Variants in DEPDC5 observed in about 807,000 individuals in gnomAD.
The protein encoded by DEPDC5 is GATOR1 complex protein DEPDC5.
DEPDC5 carries 73 observed loss-of-function variants against 217.3 expected under a neutral mutation model. The observed-to-expected ratio is 0.34, with a 90% CI of 0.28 to 0.41. The LOEUF is 0.41. Among genes scored for constraint, DEPDC5 ranks in the 10% least tolerant of loss-of-function variants. The probability of loss-of-function intolerance (pLI) is 1.00; values close to 1 mark genes in which losing one functional copy is unlikely to be tolerated. For missense variants in DEPDC5, 1,675 were observed against 2,070.1 expected, an observed-to-expected ratio of 0.81 and a Z score of 3.70; for synonymous variants, 733 against 756.7, an observed-to-expected ratio of 0.97 and a Z score of 0.51.
At chr22:31,836,941 A>G (rs755241001) in intron 25 of DEPDC5, 31 bp from the exon 26 acceptor site, 11 of 1,483,498 alleles carry the variant, frequency 7.4e-6, no homozygotes, top group Middle Eastern at 3.7e-4. Context: ...TGGTGACCAC[A>G]TGTACCTTTT....
intron 33 of DEPDC5, among the ~76,000 whole-genome samples, chr22:31,867,747 T>C (rs2092726466): frequency 6.6e-6 from 1 of 152,162 alleles, no homozygotes; most frequent in Non-Finnish European, 1.5e-5. Context: ...CAAAAAATGT[T>C]TCCCAATTCC....
At chr22:31,904,838 G>A (rs1353789614) in intron 41 of DEPDC5, among the ~76,000 whole-genome samples, 1 of 152,184 alleles carries the variant, frequency 6.6e-6, no homozygotes, top group African/African-American at 2.4e-5. Flanking sequence ...CATTTAGTTT[G>A]CATATTTGAC....
chr22:31,874,503 C>T (rs182763646), intron 36 of DEPDC5, 98 bp downstream of exon 36: 4 of 1,427,362 alleles, frequency 2.8e-6, no homozygotes, highest in Admixed American at 5.8e-5. Context: ...ATGAGATCTG[C>T]AGGTTGGGGT....
At chr22:31,899,781 CTT>C (rs1014212171) in intron 40 of DEPDC5, among the ~76,000 whole-genome samples, 12 of 152,192 alleles carry the variant, frequency 7.9e-5, no homozygotes, top group African/African-American at 2.7e-4. Flanking sequence ...CGCAGGCACT[CTT>C]GTCTTTGGGA....
chr22:31,774,873 C>T (rs990156765), intron 7 of DEPDC5, among the ~76,000 whole-genome samples: 11 of 152,192 alleles, frequency 7.2e-5, no homozygotes, highest in Middle Eastern at 6.8e-3. Flanking sequence ...CCACCCACCT[C>T]GGCCTCCCAA....
chr22:31,867,091 T>A (rs1045811952), intron 33 of DEPDC5, among the ~76,000 whole-genome samples: 10 of 152,208 alleles, frequency 6.6e-5, no homozygotes, highest in African/African-American at 2.2e-4. Flanking sequence ...TTCATAAGAT[T>A]CTTAAGATGA....
chr22:31,879,835 C>T, intron 38 of DEPDC5, 83 bp downstream of exon 38: 1 of 1,323,104 alleles, frequency 7.6e-7, no homozygotes, highest in Non-Finnish European at 1.0e-6. Flanking sequence ...GGAACGATGC[C>T]ACATGAACCA....
At chr22:31,856,801 G>A (rs1201906140) in intron 31 of DEPDC5, among the ~76,000 whole-genome samples, 5 of 151,524 alleles carry the variant, frequency 3.3e-5, no homozygotes, top group African/African-American at 9.8e-5. Context: ...TTGTTTGTTT[G>A]TTTTGTCGCA....
At chr22:31,893,049 T>C (rs970486235) in intron 38 of DEPDC5, among the ~76,000 whole-genome samples, 2 of 152,050 alleles carry the variant, frequency 1.3e-5, no homozygotes, top group Non-Finnish European at 2.9e-5. Context: ...CTAATTTTTG[T>C]ATTTTTAGTA....
intron 7 of DEPDC5, among the ~76,000 whole-genome samples, chr22:31,775,855 C>T (rs1470980189): frequency 1.3e-5 from 2 of 151,822 alleles, no homozygotes; most frequent in African/African-American, 2.4e-5. Flanking sequence ...GCCTGGCCAA[C>T]ATGGTGAAAC....
intron 8 of DEPDC5, among the ~76,000 whole-genome samples, chr22:31,778,898 AT>A (rs1209704470): frequency 6.6e-6 from 1 of 152,126 alleles, no homozygotes; most frequent in African/African-American, 2.4e-5. Context: ...CTAAAGACAT[AT>A]TTGGTTGTCA....
At chr22:31,768,733 A>C in intron 6 of DEPDC5, 81 bp from the exon 7 acceptor site, 1 of 1,226,560 alleles carries the variant, frequency 8.2e-7, no homozygotes, top group Non-Finnish European at 1.2e-6. Context: ...TCATGGCCTT[A>C]ATATGTTAAT....
chr22:31,885,007 G>A (rs2149326387), intron 38 of DEPDC5, among the ~76,000 whole-genome samples: 1 of 152,220 alleles, frequency 6.6e-6, no homozygotes, highest in Non-Finnish European at 1.5e-5. Flanking sequence ...CTATGATCGT[G>A]GTTCGAGCCA....
At chr22:31,756,286 C>T (rs1438919492) in intron 2 of DEPDC5, among the ~76,000 whole-genome samples, 4 of 152,166 alleles carry the variant, frequency 2.6e-5, no homozygotes, top group Non-Finnish European at 4.4e-5. Flanking sequence ...AATAGTTTCT[C>T]TATCATAGAG....
At chr22:31,821,669 C>A (rs149993902) in intron 23 of DEPDC5, 32 bp downstream of exon 23, 1 of 1,602,348 alleles carries the variant, frequency 6.2e-7, no homozygotes, top group Non-Finnish European at 8.5e-7. Context: ...TGGAAGGTAA[C>A]CTGAGAACAC....
chr22:31,782,284 C>T (rs1274373893), intron 8 of DEPDC5, among the ~76,000 whole-genome samples: 1 of 151,794 alleles, frequency 6.6e-6, no homozygotes, highest in Non-Finnish European at 1.5e-5. Context: ...ATTATAGGCG[C>T]TCACCACCAT....
intron 41 of DEPDC5, among the ~76,000 whole-genome samples, chr22:31,904,468 T>G (rs1398748237): frequency 6.6e-6 from 1 of 152,014 alleles, no homozygotes; most frequent in East Asian, 1.9e-4. Context: ...GCAGGCTGGG[T>G]GTGGTGGCTC....
At chr22:31,760,741 C>A in intron 4 of DEPDC5, 39 bp downstream of exon 4, 1 of 1,511,400 alleles carries the variant, frequency 6.6e-7, no homozygotes, top group Admixed American at 1.8e-5. Flanking sequence ...TTTTTATTTA[C>A]TGCCTCAGAA....
intron 38 of DEPDC5, among the ~76,000 whole-genome samples, chr22:31,885,767 G>GT (rs2093294383): frequency 6.7e-6 from 1 of 149,504 alleles, no homozygotes; most frequent in Admixed American, 6.7e-5. Context: ...CAGGCACAGT[G>GT]GCTCACGCCT....
Sources: gnomAD v4.1 joint callset for allele counts (sites outside exome capture counted in the v4.1 genomes callset) on GRCh38, gnomAD v4.1.1 for gene constraint, MANE v1.5 for transcripts, NCBI Gene and HGNC (gene_info 2026-07-23, HGNC 2026-07-21) for gene names.